The following GEMIN5 variants were observed in gnomAD, a reference collection of about 807,000 sequenced individuals.
GEMIN5 encodes the protein gem-associated protein 5.
In GEMIN5, 124 loss-of-function variants were observed where a neutral mutation model predicts 176.9. That is an observed-to-expected ratio of 0.70 (90% CI 0.61 to 0.81). The LOEUF (loss-of-function observed/expected upper bound fraction) is 0.81. Among genes scored for constraint, GEMIN5 ranks in the 40% least tolerant of loss-of-function variants. The probability of loss-of-function intolerance (pLI) is 0.00; values close to 1 mark genes in which losing one functional copy is unlikely to be tolerated. For missense variants in GEMIN5, 1,843 were observed against 1,814.6 expected, an observed-to-expected ratio of 1.02 and a Z score of -0.28; for synonymous variants, 673 against 665.2, an observed-to-expected ratio of 1.01 and a Z score of -0.18.
At chr5:154,929,922 G>C (rs1357396874) in intron 5 of GEMIN5, among the ~76,000 whole-genome samples, 1 of 152,188 alleles carries the variant, frequency 6.6e-6, no homozygotes, top group Non-Finnish European at 1.5e-5. Flanking sequence ...ATTTAGAATA[G>C]TAAAACATGG....
In GEMIN5 at chr5:154,907,801, A is replaced by T. The variant is rs1414842266; in HGVS notation, c.2185T>A (p.Leu729Met). The T allele has an allele frequency of 6.2e-7, 1 of 1,612,852 alleles. No homozygotes were observed. The highest frequency in any genetic ancestry group is 1.3e-5 in the African/African-American group (1 of 74,638). The change falls in exon 16 of 28, where the codon TTG becomes ATG. Residue 729 changes from leucine to methionine, a missense_variant. By Grantham distance (15) the Leu-to-Met change is conservative. Transcript: ENST00000285873. ...GGTTGAGAGAGCCGTTTTTTCTCCA[A>T]TTCAATACTTTTTTTGCCTACAAGA... ...RPPQGKKSIELEKKRLSQPKA... is the reference protein window; with the variant it reads ...RPPQGKKSIEMEKKRLSQPKA...
Position 154,917,938 on chromosome 5 carries a change from C to T in GEMIN5, c.1666G>A (p.Glu556Lys), listed in dbSNP as rs1332360577. Residue 556 changes from glutamate to lysine, a missense_variant, in exon 12 of 28, where the codon GAA becomes AAA. By Grantham distance (56) the Glu-to-Lys change is moderately conservative (BLOSUM62 1). Coordinates refer to ENST00000285873, the MANE Select transcript of GEMIN5 (RefSeq NM_015465.5). ...ADGKIMALGN[E>K]DGSIEIFQIP... ...AAAGAAGCAAATACATACCCATCTT[C>T]ATTGCCAAGAGCCATGATTTTGCCA... The T allele has an allele frequency of 1.2e-6, 2 of 1,606,020 alleles. No individual in the cohort carries two copies. The highest frequency in any genetic ancestry group is 1.1e-5 in the South Asian group (1 of 90,948).
chr5:154,931,605 T>C, intron 4 of GEMIN5, 28 bp from the exon 5 acceptor site: 1 of 1,563,554 alleles, frequency 6.4e-7, no homozygotes, highest in South Asian at 1.2e-5. Context: ...ATTTTGTTTT[T>C]AATTTACATT....
At position 154,938,200 on chromosome 5, in the gene GEMIN5, A is replaced by G. The variant is rs980307483; in HGVS notation, c.-67T>C. 3 of 1,246,974 alleles carry G rather than the reference A, an allele frequency of 2.4e-6. No homozygotes were observed. Among genetic ancestry groups the G allele is most frequent in the Non-Finnish European group, 3.1e-6 (3 of 969,258 alleles). The allele number at this position is 1,246,974 out of a possible 1,614,324, so 77.2% of individuals were successfully genotyped here. A position where few individuals can be genotyped will look rare whatever the true frequency, so the allele number is the denominator to read the frequency against. The stretch of plus-strand genomic sequence containing the variant: ...CCGCTCGTAGCCTCACGCCTTAGGT[A>G]GGGAGCGGGGCGGGGTGAACTCCGA... On this transcript the variant is annotated 5_prime_UTR_variant, in exon 1 of 28. Coordinates refer to ENST00000285873, the MANE Select transcript of GEMIN5 (RefSeq NM_015465.5).
At chr5:154,913,351 A>G (rs764846901) in intron 13 of GEMIN5, among the ~76,000 whole-genome samples, 14 of 152,228 alleles carry the variant, frequency 9.2e-5, no homozygotes, top group Non-Finnish European at 1.8e-4. Flanking sequence ...ACACATCCAC[A>G]GTGCTTAGCA....
chr5:154,893,077 TGA>T (rs1561708446), intron 24 of GEMIN5, among the ~76,000 whole-genome samples: 3 of 151,332 alleles, frequency 2.0e-5, no homozygotes, highest in Admixed American at 6.6e-5. Context: ...AGTCTGAGCA[TGA>T]GAGTGAGACT....
intron 7 of GEMIN5, among the ~76,000 whole-genome samples, chr5:154,927,052 G>GAAAA (rs60191789): frequency 6.8e-6 from 1 of 146,718 alleles, no homozygotes; most frequent in Non-Finnish European, 1.5e-5. Context: ...CTCTGTCTCA[G>GAAAA]AAAAAAAAAA....
intron 23 of GEMIN5, among the ~76,000 whole-genome samples, chr5:154,897,520 C>T (rs1336698239): frequency 6.6e-6 from 1 of 152,162 alleles, no homozygotes; most frequent in African/African-American, 2.4e-5. Flanking sequence ...AAGAGTCTCA[C>T]TCTGTCACGT....
intron 10 of GEMIN5, among the ~76,000 whole-genome samples, chr5:154,920,739 T>C (rs980330885): frequency 2.6e-5 from 4 of 152,346 alleles, no homozygotes; most frequent in African/African-American, 4.8e-5. Flanking sequence ...GCAATTCCTA[T>C]AGAAATTTAC....
rs1764093378 is a variant in GEMIN5, at chr5:154,928,574, G to C, written c.867C>G (p.Leu289=). The change falls in exon 6 of 28, where the codon CTC becomes CTG. Residue 289 remains leucine, a synonymous_variant. Coordinates refer to ENST00000285873, the MANE Select transcript of GEMIN5 (RefSeq NM_015465.5). ...GTGTTGGTTGATTGCTGGGCCAATG[G>C]AGTGTCAACCAAAGGCGCTCTTTAA... ...PTVKERLWLT[L]HWPSNQPTQL... is the part of the protein sequence containing the mutation. 8.1e-6 allele frequency: 13 copies of C among 1,614,008 alleles called. No homozygotes were observed. Among genetic ancestry groups the C allele is most frequent in the Non-Finnish European group, 1.0e-5 (12 of 1,179,860 alleles).
rs780360250 is a variant in GEMIN5, at chr5:154,928,526, C to A, written c.914+1G>T. The A allele has an allele frequency of 6.2e-7, 1 of 1,613,790 alleles. No homozygotes were observed. The highest frequency in any genetic ancestry group is 8.5e-7 in the Non-Finnish European group (1 of 1,179,852). On this transcript the variant is annotated splice_donor_variant, in intron 6 of 27. Transcript: ENST00000285873. LOFTEE classifies it high-confidence loss of function. Reference sequence around the variant, plus strand: ...AGAAAGCATGACCAAAAAAGACTTACCCAAAACAGCTAGATACCAGCTGTG... The same window carrying A: ...AGAAAGCATGACCAAAAAAGACTTAACCAAAACAGCTAGATACCAGCTGTG...
chr5:154,929,742 C>T lies in GEMIN5; in HGVS notation c.782-1083G>A, dbSNP rs1399825148. 2.0e-5 allele frequency among the ~76,000 whole-genome samples: 3 copies of T among 152,128 alleles called. No individual in the cohort carries two copies. The East Asian group carries it at 5.8e-4, about 29-fold the overall frequency. On this transcript the variant is annotated intron_variant, in intron 5 of 27. Coordinates refer to ENST00000285873, the MANE Select transcript of GEMIN5 (RefSeq NM_015465.5). ...GTATGCCAAGAAGTAGCCTGTAAACCTTAAAAAAGTTCTGTCTTCCCAAAT... is the reference window on the plus strand; with the variant it reads ...GTATGCCAAGAAGTAGCCTGTAAACTTTAAAAAAGTTCTGTCTTCCCAAAT...
Position 154,912,949 on chromosome 5 carries a change from G to T in GEMIN5, c.1945C>A (p.Pro649Thr). 6.2e-7 allele frequency: 1 copy of T among 1,613,818 alleles called. No homozygotes were observed. Among genetic ancestry groups the T allele is most frequent in the Non-Finnish European group, 8.5e-7 (1 of 1,179,728 alleles). The change falls in exon 14 of 28, where the codon CCA becomes ACA. Residue 649 changes from proline (P) to threonine (T), a missense_variant. By Grantham distance (38) the Pro-to-Thr change is conservative. Transcript: ENST00000285873. The stretch of plus-strand genomic sequence containing the variant: ...GATACCAGCCTTCCATCATGATGTG[G>T]GCTCCACGCCACACTGGTAATCTTG... The part of the protein sequence containing the change: ...TAKITSVAWS[P>T]HHDGRLVSAS...
Position 154,904,516 on chromosome 5 carries a change from G to A in GEMIN5, c.2623C>T (p.His875Tyr), listed in dbSNP as rs769783716. 1 of 1,613,664 alleles carries A rather than the reference G, an allele frequency of 6.2e-7. No homozygotes were observed. The highest frequency in any genetic ancestry group is 1.1e-5 in the South Asian group (1 of 91,080). The change falls in exon 18 of 28, where the codon CAC becomes TAC. Residue 875 changes from histidine to tyrosine, a missense_variant. Transcript: ENST00000285873. ...AAGTACATTTTTGTACCTCTGGAGT[G>A]CTTTGCAGTTGCTAGTACCAAACAG... is the stretch of plus-strand genomic sequence containing the variant. ...QDCLVLATAK[H>Y]SRELNEDVSA...
intron 8 of GEMIN5, 115 bp from the exon 9 acceptor site, chr5:154,924,669 C>A: frequency 1.4e-6 from 1 of 710,746 alleles, no homozygotes; most frequent in Non-Finnish European, 2.4e-6. Context: ...CTGATTTCTT[C>A]ATTATTTAAA....
At chr5:154,928,758 T>C (rs1320948627) in intron 5 of GEMIN5, 99 bp from the exon 6 acceptor site, 3 of 991,660 alleles carry the variant, frequency 3.0e-6, no homozygotes, top group African/African-American at 3.3e-5. Flanking sequence ...CTGTAAAAGC[T>C]TGTTAGTTTG....
At chr5:154,919,335 C>T (rs1763874594) in intron 11 of GEMIN5, among the ~76,000 whole-genome samples, 1 of 151,698 alleles carries the variant, frequency 6.6e-6, no homozygotes, top group South Asian at 2.1e-4. Flanking sequence ...CTGTCACACA[C>T]ACAAAAAAGG....
Position 154,937,949 on chromosome 5 carries a change from C to T in GEMIN5, c.166+19G>A. The T allele has an allele frequency of 2.6e-6, 4 of 1,555,536 alleles. No individual in the cohort carries two copies. The highest frequency in any genetic ancestry group is 1.4e-5 in the African/African-American group (1 of 70,798). On this transcript the variant is annotated intron_variant, in intron 1 of 27. Transcript: ENST00000285873. The stretch of plus-strand genomic sequence containing the variant: ...CGTACAAAGGGCAGTAAGTCTCGGG[C>T]CCAAGGGTGGTGAGTTACCTCGAAA...
chr5:154,904,798 C>T (rs1763537232), intron 17 of GEMIN5, among the ~76,000 whole-genome samples, 169 bp from the exon 18 acceptor site: 1 of 152,124 alleles, frequency 6.6e-6, no homozygotes, highest in African/African-American at 2.4e-5. Context: ...GCATTGTTCA[C>T]AATACACACA....
Sources: allele counts gnomAD v4.1 joint callset (sites outside exome capture counted in the v4.1 genomes callset), GRCh38; gene constraint gnomAD v4.1.1; transcripts MANE v1.5; gene names NCBI Gene and HGNC (gene_info 2026-07-23, HGNC 2026-07-21).